The following MEMO1 variants were observed in gnomAD, a reference collection of about 807,000 sequenced individuals.
MEMO1 encodes the protein mediator of cell motility 1.
In MEMO1, 6 loss-of-function variants were observed where a neutral mutation model predicts 45.2. The observed-to-expected ratio is 0.13, with a 90% CI of 0.07 to 0.26. MEMO1 has a LOEUF of 0.26. Among genes scored for constraint, MEMO1 ranks in the 10% least tolerant of loss-of-function variants. The probability of loss-of-function intolerance (pLI) is 1.00; values close to 1 mark genes in which losing one functional copy is unlikely to be tolerated. For synonymous variants in MEMO1, 78 were observed against 124.3 expected, an observed-to-expected ratio of 0.63 and a Z score of 2.48; for missense variants, 184 against 370.5, an observed-to-expected ratio of 0.50 and a Z score of 4.13.
At chr2:31,968,696 A>C (rs1668919360) in intron 2 of MEMO1, among the ~76,000 whole-genome samples, 1 of 152,196 alleles carries the variant, frequency 6.6e-6, no homozygotes, top group Non-Finnish European at 1.5e-5. Context: ...TGCTTTCCCG[A>C]AAATTCCTAA....
intron 3 of MEMO1, 45 bp downstream of exon 3, chr2:31,943,257 T>C: frequency 7.0e-7 from 1 of 1,422,492 alleles, no homozygotes; most frequent in Non-Finnish European, 9.9e-7. Context: ...ACAGGGAGAC[T>C]CCTTCTCAAA....
At position 31,974,506 on chromosome 2, in the gene MEMO1, G is replaced by C. The variant is rs72860974; in HGVS notation, c.62-31123C>G. ...TCACGCCTGTAATCCCAGTATTCTG[G>C]GGGGTTGAGGCAGGTGGATCACGAG... On this transcript the variant is annotated intron_variant, in intron 2 of 9. Coordinates refer to ENST00000404530, the MANE Select transcript of MEMO1 (RefSeq NM_001301833.4). Among the ~76,000 whole-genome samples, 443 of 152,248 alleles carry C rather than the reference G, an allele frequency of 2.9e-3. 4 individuals are homozygous for C. The highest frequency in any genetic ancestry group is 0.01 in the African/African-American group (418 of 41,550).
intron 1 of MEMO1, 60 bp from the exon 2 acceptor site, chr2:32,010,324 A>T (rs1463163474): frequency 1.1e-6 from 1 of 916,708 alleles, no homozygotes; most frequent in East Asian, 3.7e-5. Context: ...CGGCTCCGCG[A>T]GGGGACGAGA....
chr2:31,974,480 C>T (rs1434851438), intron 2 of MEMO1, among the ~76,000 whole-genome samples: 1 of 152,220 alleles, frequency 6.6e-6, no homozygotes, highest in African/African-American at 2.4e-5. Context: ...GGCACGGTGA[C>T]TCACGCCTGT....
intron 8 of MEMO1, among the ~76,000 whole-genome samples, chr2:31,882,818 C>T (rs1489595196): frequency 6.6e-6 from 1 of 152,108 alleles, no homozygotes; most frequent in East Asian, 1.9e-4. Flanking sequence ...AGGTTATTTA[C>T]TTCAAGTTTA....
intron 2 of MEMO1, among the ~76,000 whole-genome samples, chr2:31,955,941 T>C (rs1667368499): frequency 1.3e-5 from 2 of 152,068 alleles, no homozygotes; most frequent in African/African-American, 4.8e-5. Flanking sequence ...CCAATATTCC[T>C]CCATGCTCCT....
chr2:31,986,355 C>G (rs1335166310), intron 2 of MEMO1, among the ~76,000 whole-genome samples: 1 of 152,054 alleles, frequency 6.6e-6, no homozygotes, highest in Non-Finnish European at 1.5e-5. Flanking sequence ...GCTTGTAGTC[C>G]CAGCCAGTCG....
At chr2:31,975,094 A>C (rs1311706421) in intron 2 of MEMO1, among the ~76,000 whole-genome samples, 5 of 150,766 alleles carry the variant, frequency 3.3e-5, no homozygotes, top group Non-Finnish European at 7.4e-5. Context: ...ATCGCTTGAA[A>C]CTGGGAGGCA....
intron 8 of MEMO1, 58 bp from the exon 9 acceptor site, chr2:31,870,010 T>A: frequency 8.0e-7 from 1 of 1,248,300 alleles, no homozygotes; most frequent in Non-Finnish European, 1.1e-6. Context: ...CAATATTTAT[T>A]ATTTCCTAAT....
intron 2 of MEMO1, among the ~76,000 whole-genome samples, chr2:32,009,616 G>A (rs1401310338): frequency 6.6e-6 from 1 of 152,224 alleles, no homozygotes; most frequent in Non-Finnish European, 1.5e-5. Flanking sequence ...CCGGCTGCGG[G>A]CGCGGGGGCT....
At chr2:31,960,299 A>G in intron 2 of MEMO1, among the ~76,000 whole-genome samples, 1 of 152,184 alleles carries the variant, frequency 6.6e-6, no homozygotes, top group East Asian at 1.9e-4. Context: ...CCATTATTTC[A>G]AATTAAAAAG....
chr2:31,945,847 A>G (rs768378075), intron 2 of MEMO1, among the ~76,000 whole-genome samples: 23 of 152,174 alleles, frequency 1.5e-4, no homozygotes, highest in Admixed American at 1.3e-4. Flanking sequence ...CCAATTACCA[A>G]GTGAATTTAG....
At chr2:31,999,928 G>A (rs1245388056) in intron 2 of MEMO1, among the ~76,000 whole-genome samples, 2 of 147,362 alleles carry the variant, frequency 1.4e-5, no homozygotes, top group Non-Finnish European at 3.0e-5. Context: ...CTGTCGCCCA[G>A]GCTGGAGCGT....
intron 2 of MEMO1, among the ~76,000 whole-genome samples, chr2:31,961,094 C>T (rs1044542547): frequency 5.9e-5 from 9 of 152,192 alleles, no homozygotes; most frequent in East Asian, 3.9e-4. Context: ...CAGTGACTCA[C>T]GCCTGTAAAT....
chr2:31,996,069 C>G (rs901345542), intron 2 of MEMO1, among the ~76,000 whole-genome samples: 7 of 151,856 alleles, frequency 4.6e-5, no homozygotes, highest in Admixed American at 6.6e-5. Flanking sequence ...AACATATATC[C>G]CAATATGCAC....
intron 8 of MEMO1, among the ~76,000 whole-genome samples, chr2:31,878,144 G>A (rs900138705): frequency 1.2e-4 from 18 of 152,114 alleles, no homozygotes; most frequent in African/African-American, 3.9e-4. Context: ...AAGCAAAACG[G>A]GCAAACGCCC....
At chr2:31,874,362 A>G (rs1188202275) in intron 8 of MEMO1, among the ~76,000 whole-genome samples, 2 of 152,118 alleles carry the variant, frequency 1.3e-5, no homozygotes, top group Non-Finnish European at 2.9e-5. Context: ...ATAAAATTAC[A>G]AGACTTTCAG....
chr2:31,994,625 T>TA (rs1015973074), intron 2 of MEMO1, among the ~76,000 whole-genome samples: 1 of 151,236 alleles, frequency 6.6e-6, no homozygotes, highest in Non-Finnish European at 1.5e-5. Context: ...AGCCAGACTT[T>TA]GTCTAAAAAA....
chr2:31,927,579 AGCC>A (rs1489502283), intron 4 of MEMO1, among the ~76,000 whole-genome samples: 3 of 151,990 alleles, frequency 2.0e-5, no homozygotes, highest in African/African-American at 4.8e-5. Context: ...TCTTTTATTA[AGCC>A]AAACATTAAA....
Sources: gnomAD v4.1 joint callset for allele counts (sites outside exome capture counted in the v4.1 genomes callset) on GRCh38, gnomAD v4.1.1 for gene constraint, MANE v1.5 for transcripts, NCBI Gene and HGNC (gene_info 2026-07-23, HGNC 2026-07-21) for gene names.